The following TMEM237 variants were observed in gnomAD, a reference collection of about 807,000 sequenced individuals.
The protein encoded by TMEM237 is amyotrophic lateral sclerosis 2 (juvenile) chromosome region, candidate 4.
Under a neutral mutation model 59.1 loss-of-function variants are expected in TMEM237, and 51 were observed. The observed-to-expected ratio is 0.86, with a 90% confidence interval of 0.69 to 1.09. The LOEUF (loss-of-function observed/expected upper bound fraction) is 1.09, where lower values mean the gene tolerates loss of function less well. TMEM237 is among the 50% of genes least tolerant of loss of function. The pLI is 0.00. For missense variants in TMEM237, 475 were observed against 478.3 expected, an observed-to-expected ratio of 0.99 and a Z score of 0.06; for synonymous variants, 140 against 166.1, an observed-to-expected ratio of 0.84 and a Z score of 1.21.
At position 201,635,282 on chromosome 2, in the gene TMEM237, C is replaced by T. The variant is rs1687275453; in HGVS notation, c.274+1466G>A. 2.0e-5 allele frequency among the ~76,000 whole-genome samples: 3 copies of T among 152,236 alleles called. No homozygotes were observed. The South Asian group carries it at 6.2e-4, about 32-fold the overall frequency. ...CCTTATTTGGAAACAAGAGTCTTTG[C>T]AGATGAAATCAAGTTAAGATGAGGT... On this transcript the variant is annotated intron_variant, in intron 5 of 12. Transcript: ENST00000409883. The surrounding 1 kb of genome is among the most constrained non-coding windows in gnomAD (Gnocchi z 4.5).
At chr2:201,628,996 G>C (rs181704542) in intron 9 of TMEM237, among the ~76,000 whole-genome samples, 1 of 152,274 alleles carries the variant, frequency 6.6e-6, no homozygotes, top group Admixed American at 6.5e-5. Context: ...ACTATATTTG[G>C]ATGAAATTTT....
At position 201,623,968 on chromosome 2, in the gene TMEM237, T is replaced by C. The variant is rs1957734366; in HGVS notation, c.*287A>G. 4.3e-6 allele frequency: 1 copy of C among 233,030 alleles called. No individual in the cohort carries two copies. Among genetic ancestry groups the C allele is most frequent in the Admixed American group, 5.5e-5 (1 of 18,270 alleles). The allele number at this position is 233,030 out of a possible 1,614,324, so 14.4% of individuals were successfully genotyped here. A position where few individuals can be genotyped will look rare whatever the true frequency, so the allele number is the denominator to read the frequency against. On this transcript the variant is annotated 3_prime_UTR_variant, in exon 13 of 13. Coordinates refer to ENST00000409883, the MANE Select transcript of TMEM237 (RefSeq NM_001044385.3). ...TCTAAACCAGTGCTTTTTAAGGTAA[T>C]AGTTATAAATACAACTGTTTTGAGA...
intron 2 of TMEM237, 107 bp from the exon 3 acceptor site, chr2:201,640,372 C>T (rs1687389173): frequency 3.6e-6 from 4 of 1,114,716 alleles, no homozygotes; most frequent in Non-Finnish European, 4.9e-6. Flanking sequence ...TGACTTAAAT[C>T]ATTACAAATT....
rs1373227454 is a variant in TMEM237, at chr2:201,623,815, A to G, written c.*440T>C. On this transcript the variant is annotated 3_prime_UTR_variant, in exon 13 of 13. Coordinates refer to ENST00000409883, the MANE Select transcript of TMEM237 (RefSeq NM_001044385.3). ...ACTAAGCCAGTTTCAGAAAAGACAAACTTCATATTTCAATTTATTCAGTAA... is the reference window on the plus strand; with the variant it reads ...ACTAAGCCAGTTTCAGAAAAGACAAGCTTCATATTTCAATTTATTCAGTAA... 6.5e-6 allele frequency: 1 copy of G among 153,072 alleles called. No homozygotes were observed. The highest frequency in any genetic ancestry group is 1.5e-5 in the Non-Finnish European group (1 of 68,434). The allele number at this position is 153,072 out of a possible 1,614,324, so 9.5% of individuals were successfully genotyped here.
At chr2:201,641,030 G>T (rs1209564058) in intron 1 of TMEM237, 106 bp from the exon 2 acceptor site, 7 of 970,814 alleles carry the variant, frequency 7.2e-6, no homozygotes, top group African/African-American at 3.3e-5. Context: ...ATTGCTGTGT[G>T]GCCCAGGCTG....
At chr2:201,628,268 T>G in intron 9 of TMEM237, 119 bp from the exon 10 acceptor site, 1 of 624,972 alleles carries the variant, frequency 1.6e-6, no homozygotes, top group Non-Finnish European at 2.8e-6. Context: ...ATTACTAGGT[T>G]TTAAGTAGCT....
intron 2 of TMEM237, 85 bp from the exon 3 acceptor site, chr2:201,640,350 C>A: frequency 2.3e-6 from 3 of 1,306,708 alleles, no homozygotes; most frequent in South Asian, 3.3e-5. Flanking sequence ...TGTTAATATT[C>A]ACAGTGAAAA....
At position 201,635,717 on chromosome 2, in the gene TMEM237, G is replaced by A. The variant is rs1181924269; in HGVS notation, c.274+1031C>T. Among the ~76,000 whole-genome samples, 3 of 150,368 alleles carry A rather than the reference G, an allele frequency of 2.0e-5. No individual in the cohort carries two copies. Among genetic ancestry groups the A allele is most frequent in the Non-Finnish European group, 2.9e-5 (2 of 67,802 alleles). On this transcript the variant is annotated intron_variant, in intron 5 of 12. Transcript: ENST00000409883. The surrounding 1 kb of genome is among the most constrained non-coding windows in gnomAD (Gnocchi z 4.5). Reference sequence around the variant, plus strand: ...GCAGAAGTTCCAGTGAGCTGAGATCGCACCATTGCACTCCAGCCTGGGCTA... The same window carrying A: ...GCAGAAGTTCCAGTGAGCTGAGATCACACCATTGCACTCCAGCCTGGGCTA...
chr2:201,627,248 A>C, intron 11 of TMEM237, 73 bp downstream of exon 11: 1 of 1,081,274 alleles, frequency 9.2e-7, no homozygotes, highest in Non-Finnish European at 1.4e-6. Flanking sequence ...TTTGCAGTTG[A>C]AAAAGAATGG....
At position 201,627,400 on chromosome 2, in the gene TMEM237, G is replaced by C. The variant is rs1206347135; in HGVS notation, c.958C>G (p.Leu320Val). ...ATTTGCTGACTCAGAGATAGTATAA[G>C]AGCAGTAAAGTACACTGAGAAAAAG... ...ALASFLYFTALILSLSQQMTS... is the reference protein window; with the variant it reads ...ALASFLYFTAVILSLSQQMTS... The change falls in exon 11 of 13, where the codon CTT (leucine) becomes GTT (valine). Residue 320 changes from leucine (L) to valine (V), a missense_variant. Physicochemically the swap from Leu to Val is conservative, Grantham distance 32. Coordinates refer to ENST00000409883, the MANE Select transcript of TMEM237 (RefSeq NM_001044385.3). 6.3e-7 allele frequency: 1 copy of C among 1,598,018 alleles called. No homozygotes were observed. The highest frequency in any genetic ancestry group is 8.5e-7 in the Non-Finnish European group (1 of 1,171,178).
intron 12 of TMEM237, among the ~76,000 whole-genome samples, chr2:201,625,008 T>G (rs73989520): frequency 0.011 from 1,666 of 152,274 alleles, 38 homozygotes; most frequent in African/African-American, 0.038. Flanking sequence ...CTGAGGCAGA[T>G]AGGTTGTAAA....
In TMEM237 at chr2:201,629,310, T is replaced by A. The variant is rs754389194; in HGVS notation, c.789A>T (p.Gln263His). 2.5e-6 allele frequency: 4 copies of A among 1,611,568 alleles called. No individual in the cohort carries two copies. In the East Asian group the frequency reaches 8.9e-5, roughly 36 times the overall value. Reference sequence around the variant, plus strand: ...ATGGATACGCTAGGGTCTTGTATTGTTGCAGAAGGTTTGAGAGGTTGGATA... The same window carrying A: ...ATGGATACGCTAGGGTCTTGTATTGATGCAGAAGGTTTGAGAGGTTGGATA... ...DQLSNLSNLL[Q>H]QYKTLAYPFQ... is the part of the protein sequence containing the mutation. Residue 263 changes from glutamine (Q) to histidine (H), a missense_variant, in exon 9 of 13, where the codon CAA becomes CAT. Gln to His is a conservative substitution (Grantham distance 24). Coordinates refer to ENST00000409883, the MANE Select transcript of TMEM237 (RefSeq NM_001044385.3).
intron 6 of TMEM237, among the ~76,000 whole-genome samples, chr2:201,632,630 C>A (rs1957818102): frequency 1.3e-5 from 2 of 152,216 alleles, no homozygotes. Flanking sequence ...TAATTCTTCT[C>A]CTTCCTGCTG....
chr2:201,642,045 G>C (rs1687435824), intron 1 of TMEM237, among the ~76,000 whole-genome samples: 1 of 152,216 alleles, frequency 6.6e-6, no homozygotes, highest in African/African-American at 2.4e-5. Context: ...AAAAAGGCCA[G>C]TTGCATACAC....
At chr2:201,633,465 C>A in intron 5 of TMEM237, 34 bp from the exon 6 acceptor site, 1 of 1,466,316 alleles carries the variant, frequency 6.8e-7, no homozygotes, top group Non-Finnish European at 9.0e-7. Flanking sequence ...TTTCAAATAA[C>A]TAAAACATAA....
In TMEM237 at chr2:201,640,229, C is replaced by A. The variant is rs776542571; in HGVS notation, c.79+32G>T. The stretch of plus-strand genomic sequence containing the variant: ...AAGGAATCAAACTAATTTTTGAACA[C>A]CAAATATTATATTTACATTAAACTA... On this transcript the variant is annotated intron_variant, in intron 3 of 12. Transcript: ENST00000409883. 2.0e-6 allele frequency: 3 copies of A among 1,534,780 alleles called. No individual in the cohort carries two copies. The African/African-American group carries it at 4.2e-5, about 21-fold the overall frequency.
In TMEM237 at chr2:201,627,324, A is replaced by T; in HGVS notation, c.1034T>A (p.Leu345His). ...LYTPSSVNGS[L>H]WEAGIEEQIL... Reference sequence around the variant, plus strand: ...TAATGTCATTGTGAATTCTTACCAGAGGCTACCATTAACAGAAGAAGGTGT... The same window carrying T: ...TAATGTCATTGTGAATTCTTACCAGTGGCTACCATTAACAGAAGAAGGTGT... Residue 345 changes from leucine (L) to histidine (H), a missense_variant, in exon 11 of 13, where the codon CTC (leucine) becomes CAC (histidine). Transcript: ENST00000409883. 1 of 1,602,502 alleles carries T rather than the reference A, an allele frequency of 6.2e-7. No individual in the cohort carries two copies. The highest frequency in any genetic ancestry group is 1.7e-4 in the Middle Eastern group (1 of 6,048).
rs779155285 is a variant in TMEM237, at chr2:201,632,212, T to C, written c.396-4A>G. 7 of 1,613,554 alleles carry C rather than the reference T, an allele frequency of 4.3e-6. No homozygotes were observed. In the African/African-American group the frequency reaches 5.3e-5, roughly 12 times the overall value. ...TAATTCTGCTGGCTGGGTTTTCCTG[T>C]AATAAGGACGTATGTATGAAAAATA... On this transcript the variant is annotated splice_region_variant and splice_polypyrimidine_tract_variant and intron_variant, in intron 6 of 12. Coordinates refer to ENST00000409883, the MANE Select transcript of TMEM237 (RefSeq NM_001044385.3).
rs1202405001 is a variant in TMEM237, at chr2:201,623,638, A to G, written c.*617T>C. 6.6e-6 allele frequency: 1 copy of G among 152,424 alleles called. No individual in the cohort carries two copies. The allele number at this position is 152,424 out of a possible 1,614,324, so 9.4% of individuals were successfully genotyped here. On this transcript the variant is annotated 3_prime_UTR_variant, in exon 13 of 13. Coordinates refer to ENST00000409883, the MANE Select transcript of TMEM237 (RefSeq NM_001044385.3). ...CCAGATATGAGAACCACTAGTACAGATTATAATGAGAAGCAACTTTTTAGT... is the reference window on the plus strand; with the variant it reads ...CCAGATATGAGAACCACTAGTACAGGTTATAATGAGAAGCAACTTTTTAGT...
Sources: allele counts gnomAD v4.1 joint callset (sites outside exome capture counted in the v4.1 genomes callset), GRCh38; gene constraint gnomAD v4.1.1; non-coding constraint Gnocchi (gnomAD v3.1); transcripts MANE v1.5; gene names NCBI Gene and HGNC (gene_info 2026-07-23, HGNC 2026-07-21).